ORC5: variants seen among roughly 807,000 people sequenced by gnomAD.
ORC5 encodes the protein origin recognition complex subunit 5, also known as protein phosphatase 1, regulatory subunit 117.
In ORC5, 39 loss-of-function variants were observed where a neutral mutation model predicts 58.8. The observed-to-expected ratio is 0.66, with a 90% confidence interval of 0.51 to 0.87. The LOEUF (loss-of-function observed/expected upper bound fraction) is 0.87. Ranked by LOEUF, ORC5 falls within the 40% of genes least tolerant of loss-of-function variation. The probability of loss-of-function intolerance (pLI) is 0.00; values close to 1 mark genes in which losing one functional copy is unlikely to be tolerated. For synonymous variants in ORC5, 218 were observed against 177.6 expected (o/e 1.23, Z -1.81); for missense variants, 493 against 506.3 (o/e 0.97, Z 0.25).
At position 104,165,228 on chromosome 7, in the gene ORC5, T is replaced by C. The variant is rs988029553; in HGVS notation, c.1038+7A>G. 7.1e-7 allele frequency: 1 copy of C among 1,400,946 alleles called. No individual in the cohort carries two copies. Among genetic ancestry groups the C allele is most frequent in the South Asian group, 1.2e-5 (1 of 80,122 alleles). 86.8% of individuals were successfully genotyped at this position (1,400,946 alleles called of 1,614,324 possible). A position where few individuals can be genotyped will look rare whatever the true frequency, so the allele number is the denominator to read the frequency against. ...GTTTCTTCCATTAGAAATTAAAATG[T>C]AAATACCTTTTCGTGTTTTTTTAGA... On this transcript the variant is annotated splice_region_variant and intron_variant, in intron 11 of 13. Transcript: ENST00000297431.
chr7:104,147,237 C>T lies in ORC5; in HGVS notation c.1150-10344G>A, dbSNP rs191936460. On this transcript the variant is annotated intron_variant, in intron 12 of 13. Coordinates refer to ENST00000297431, the MANE Select transcript of ORC5 (RefSeq NM_002553.4). ...CAGACTCAAGGAGGATTTGTAGCTA[C>T]TGGTTTCATGCTGTGAGTCCATAAA... is the stretch of plus-strand genomic sequence containing the variant. 2.4e-3 allele frequency among the ~76,000 whole-genome samples: 365 copies of T among 152,184 alleles called. 8 individuals carry two copies. Among genetic ancestry groups the T allele is most frequent in the Admixed American group, 0.021 (320 of 15,286 alleles).
intron 13 of ORC5, among the ~76,000 whole-genome samples, chr7:104,131,434 T>C (rs927338885): frequency 1.3e-5 from 2 of 152,228 alleles, no homozygotes; most frequent in Non-Finnish European, 2.9e-5. Flanking sequence ...TTAATCTTTC[T>C]CCATTTTGTA....
intron 12 of ORC5, among the ~76,000 whole-genome samples, chr7:104,141,718 T>TACA (rs1408987247): frequency 6.6e-6 from 1 of 152,080 alleles, no homozygotes; most frequent in African/African-American, 2.4e-5. Flanking sequence ...AAATCTAACT[T>TACA]ACAACAGCAT....
chr7:104,176,512 C>T lies in ORC5; in HGVS notation c.824+7431G>A, dbSNP rs199747909. Among the ~76,000 whole-genome samples the T allele has an allele frequency of 1.8e-4, 27 of 151,716 alleles. No individual in the cohort carries two copies. In the East Asian group the frequency reaches 4.8e-3, roughly 27 times the overall value. ...TTGGTTTCTTATTGACACAAAGAGTCTGTTTTGTCAGTCTTACGATCTCTC... is the reference window on the plus strand; with the variant it reads ...TTGGTTTCTTATTGACACAAAGAGTTTGTTTTGTCAGTCTTACGATCTCTC... On this transcript the variant is annotated intron_variant, in intron 8 of 13. Transcript: ENST00000297431.
intron 12 of ORC5, among the ~76,000 whole-genome samples, chr7:104,152,762 T>C (rs1449083345): frequency 4.6e-5 from 7 of 152,230 alleles, no homozygotes; most frequent in African/African-American, 1.7e-4. Context: ...GTAAACTTAT[T>C]GGAAGTAACA....
intron 6 of ORC5, chr7:104,184,464 A>T: frequency 7.6e-6 from 2 of 262,990 alleles, no homozygotes; most frequent in South Asian, 1.1e-4. Flanking sequence ...GCTTCTTTCT[A>T]AAAAAAAATG....
intron 5 of ORC5, among the ~76,000 whole-genome samples, chr7:104,190,007 T>G (rs1296846368): frequency 1.3e-5 from 2 of 152,146 alleles, no homozygotes; most frequent in Non-Finnish European, 2.9e-5. Context: ...CAGAAGTGAA[T>G]TGAATTTTAG....
chr7:104,165,153 C>A lies in ORC5; in HGVS notation c.1038+82G>T, dbSNP rs1584496237. On this transcript the variant is annotated intron_variant, in intron 11 of 13. Transcript: ENST00000297431. The stretch of plus-strand genomic sequence containing the variant: ...CAAATAAGTTCCTATATTCAAATGA[C>A]AAATACAATTACAGATGTATCTATT... The A allele has an allele frequency of 1.7e-5, 12 of 714,328 alleles. No homozygotes were observed. The East Asian group carries it at 3.4e-4, about 20-fold the overall frequency. The allele number at this position is 714,328 out of a possible 1,614,324, so 44.2% of individuals were successfully genotyped here. A position where few individuals can be genotyped will look rare whatever the true frequency, so the allele number is the denominator to read the frequency against.
rs1799834925 is a variant in ORC5 at position 104,197,741 on chromosome 7, A to C, written c.425T>G (p.Leu142Arg). The C allele has an allele frequency of 1.9e-6, 3 of 1,599,630 alleles. No homozygotes were observed. In the East Asian group the frequency reaches 6.7e-5, roughly 36 times the overall value. The change falls in exon 4 of 14, where the codon CTT (leucine) becomes CGT (arginine). Residue 142 changes from leucine to arginine, a missense_variant. This residue lies in a region of ORC5 where 412 missense variants were observed against 403.7 expected (regional missense o/e 1.02). Coordinates refer to ENST00000297431, the MANE Select transcript of ORC5 (RefSeq NM_002553.4). ...ATTACTTACCAATTCTTGTAATCTAAGAAATCCAGGCAAAAGATTTGCTTC... is the reference window on the plus strand; with the variant it reads ...ATTACTTACCAATTCTTGTAATCTACGAAATCCAGGCAAAAGATTTGCTTC... ...DMEANLLPGF[L>R]RLQELADRNV...
intron 12 of ORC5, among the ~76,000 whole-genome samples, chr7:104,148,789 T>C (rs974809414): frequency 6.6e-6 from 1 of 152,156 alleles, no homozygotes; most frequent in African/African-American, 2.4e-5. Context: ...ACCCCCGCAC[T>C]TGGGGAGGCC....
intron 10 of ORC5, among the ~76,000 whole-genome samples, chr7:104,165,967 G>A (rs1391635679): frequency 1.3e-5 from 2 of 152,124 alleles, no homozygotes; most frequent in South Asian, 2.1e-4. Context: ...TTGGGAGGCC[G>A]AGGCTGTAGT....
chr7:104,173,412 C>T (rs1055425296), intron 8 of ORC5, among the ~76,000 whole-genome samples: 3 of 152,188 alleles, frequency 2.0e-5, no homozygotes, highest in African/African-American at 7.2e-5. Context: ...TTTAGAGTCC[C>T]TCTCTGTTGT....
At chr7:104,204,008 G>T in intron 2 of ORC5, 134 bp downstream of exon 2, 1 of 509,618 alleles carries the variant, frequency 2.0e-6, no homozygotes. Context: ...ACCATTCATG[G>T]AGAAAGATAA....
Position 104,195,260 on chromosome 7 carries a change from A to T in ORC5, c.442-6T>A. 1 of 1,475,348 alleles carries T rather than the reference A, an allele frequency of 6.8e-7. No homozygotes were observed. The highest frequency in any genetic ancestry group is 1.5e-5 in the African/African-American group (1 of 68,794). 91.4% of individuals were successfully genotyped at this position (1,475,348 alleles called of 1,614,324 possible). The stretch of plus-strand genomic sequence containing the variant: ...ACAGTCACATTTCTGTCAGCCTGTA[A>T]AAAGAAAGAAATAAAAGTAACTTCG... On this transcript the variant is annotated splice_polypyrimidine_tract_variant and splice_region_variant and intron_variant, in intron 4 of 13. Transcript: ENST00000297431.
At chr7:104,168,801 G>A (rs544052638) in intron 8 of ORC5, among the ~76,000 whole-genome samples, 11 of 152,070 alleles carry the variant, frequency 7.2e-5, no homozygotes, top group Non-Finnish European at 1.5e-4. Context: ...CTTCACCCAG[G>A]CCGGGTGTGG....
At chr7:104,189,851 G>T (rs981935041) in intron 5 of ORC5, among the ~76,000 whole-genome samples, 2 of 152,134 alleles carry the variant, frequency 1.3e-5, no homozygotes, top group Non-Finnish European at 2.9e-5. Context: ...ACCTGAGGAG[G>T]GGCTCATGTG....
chr7:104,185,907 C>T (rs1013760370), intron 6 of ORC5, among the ~76,000 whole-genome samples: 6 of 151,614 alleles, frequency 4.0e-5, no homozygotes, highest in Non-Finnish European at 7.4e-5. Context: ...AACTAGATAA[C>T]AGAAAACTAA....
chr7:104,191,895 T>C (rs995495024), intron 5 of ORC5, among the ~76,000 whole-genome samples: 3 of 152,090 alleles, frequency 2.0e-5, no homozygotes, highest in African/African-American at 7.2e-5. Flanking sequence ...CTGCTTCCAG[T>C]TGTGAGGGAG....
intron 4 of ORC5, among the ~76,000 whole-genome samples, chr7:104,195,940 C>T (rs1201535801): frequency 1.3e-5 from 2 of 152,028 alleles, no homozygotes; most frequent in Non-Finnish European, 2.9e-5. Flanking sequence ...TGATATCCAC[C>T]ATATTTTAAA....
Sources: allele counts gnomAD v4.1 joint callset (sites outside exome capture counted in the v4.1 genomes callset), GRCh38; gene constraint gnomAD v4.1.1; regional missense constraint gnomAD v4.1.1; transcripts MANE v1.5; gene names NCBI Gene and HGNC (gene_info 2026-07-23, HGNC 2026-07-21).